The following LARGE1 variants were observed in gnomAD, a reference collection of about 807,000 sequenced individuals.
The protein encoded by LARGE1 is xylosyl- and glucuronyltransferase LARGE1.
In LARGE1, 43 loss-of-function variants were observed where a neutral mutation model predicts 87.6. The observed-to-expected ratio is 0.49, with a 90% confidence interval of 0.38 to 0.63. The LOEUF is 0.63. LARGE1 is among the 30% of genes least tolerant of loss of function. The pLI is 0.00. For missense variants in LARGE1, 802 were observed against 1,000.2 expected, an observed-to-expected ratio of 0.80 and a Z score of 2.67; for synonymous variants, 434 against 394.6, an observed-to-expected ratio of 1.10 and a Z score of -1.18.
At position 33,864,129 on chromosome 22, in the gene LARGE1, A is replaced by T. The variant is rs111791463; in HGVS notation, c.-83+55866T>A. 9.9e-3 allele frequency among the ~76,000 whole-genome samples: 1,509 copies of T among 152,222 alleles called. 7 individuals carry two copies. The highest frequency in any genetic ancestry group is 0.014 in the Non-Finnish European group (927 of 68,002). On this transcript the variant is annotated intron_variant, in intron 1 of 14. Transcript: ENST00000397394. The stretch of plus-strand genomic sequence containing the variant: ...GGCAGGTAGAGTCTTGACCTGACAG[A>T]GACAGGAGGAAGCTGGGAGGCAGGA...
chr22:33,087,964 T>A, the LARGE1 span, among the ~76,000 whole-genome samples: 1 of 152,004 alleles, frequency 6.6e-6, no homozygotes, highest in African/African-American at 2.4e-5. Context: ...AATAAAAATT[T>A]AATTTCTCAG....
At chr22:33,680,789 C>A (rs1272069820) in intron 2 of LARGE1, among the ~76,000 whole-genome samples, 1 of 151,246 alleles carries the variant, frequency 6.6e-6, no homozygotes, top group Non-Finnish European at 1.5e-5. Flanking sequence ...CTCAGAATAC[C>A]CCCTTATCAT....
intron 7 of LARGE1, among the ~76,000 whole-genome samples, chr22:33,394,094 A>G (rs2065633120): frequency 6.7e-6 from 1 of 149,362 alleles, no homozygotes; most frequent in Non-Finnish European, 1.5e-5. Context: ...AAAAAAAAAA[A>G]AAAAGAGAAG....
chr22:33,881,109 G>A (rs1017125113), intron 1 of LARGE1, among the ~76,000 whole-genome samples: 8 of 151,772 alleles, frequency 5.3e-5, no homozygotes, highest in East Asian at 1.9e-4. Context: ...AGGCCAAAAC[G>A]CGACGACATT....
At chr22:33,747,858 G>C (rs1280220337) in intron 2 of LARGE1, 1 of 152,064 alleles carries the variant, frequency 6.6e-6, no homozygotes, top group Non-Finnish European at 1.5e-5. Context: ...GTTATGGGGG[G>C]ATTATTTCAC....
intron 11 of LARGE1, among the ~76,000 whole-genome samples, chr22:33,210,548 T>C (rs1232772045): frequency 6.6e-6 from 1 of 152,234 alleles, no homozygotes. Flanking sequence ...TTAGCCTTCA[T>C]GCTGTTTTGC....
intron 1 of LARGE1, among the ~76,000 whole-genome samples, chr22:33,822,291 C>T (rs2086848921): frequency 6.6e-6 from 1 of 152,158 alleles, no homozygotes; most frequent in African/African-American, 2.4e-5. Context: ...TCTTAGAGGT[C>T]AGATTGTCAC....
At chr22:33,296,632 G>A (rs1366210665) in intron 12 of LARGE1, among the ~76,000 whole-genome samples, 5 of 149,084 alleles carry the variant, frequency 3.4e-5, no homozygotes, top group South Asian at 2.1e-4. Flanking sequence ...GCAATGGCGC[G>A]ATCTCATCTC....
intron 2 of LARGE1, among the ~76,000 whole-genome samples, chr22:33,654,904 A>T (rs1384245464): frequency 6.6e-6 from 1 of 152,200 alleles, no homozygotes; most frequent in African/African-American, 2.4e-5. Context: ...TAACACTCAA[A>T]GGTAAAACAG....
At chr22:33,453,696 G>C (rs1239785675) in intron 6 of LARGE1, among the ~76,000 whole-genome samples, 4 of 152,046 alleles carry the variant, frequency 2.6e-5, no homozygotes, top group African/African-American at 7.2e-5. Flanking sequence ...CTGGCTCCTG[G>C]TTTTTTTACT....
At chr22:33,270,405 C>CTACT (rs1928182053), downstream of LARGE1, among the ~76,000 whole-genome samples, 8 of 152,268 alleles carry the variant, frequency 5.3e-5, no homozygotes, top group South Asian at 1.7e-3. Flanking sequence ...TATGGGAAGG[C>CTACT]AGTAGCACAT....
intron 2 of LARGE1, among the ~76,000 whole-genome samples, chr22:33,736,423 C>T (rs906610995): frequency 2.0e-5 from 3 of 152,140 alleles, no homozygotes; most frequent in East Asian, 1.9e-4. Flanking sequence ...TTTTTGACAA[C>T]CTGTGTATCT....
At chr22:33,814,795 C>T (rs1268775646) in intron 1 of LARGE1, among the ~76,000 whole-genome samples, 1 of 151,782 alleles carries the variant, frequency 6.6e-6, no homozygotes, top group Non-Finnish European at 1.5e-5. Context: ...TCTGGAGAAC[C>T]CTGACTGATA....
At position 33,386,536 on chromosome 22, in the gene LARGE1, G is replaced by A. The variant is rs375871318; in HGVS notation, c.893-2232C>T. ...CATCAGCTCTCTGGGGGAAAAAAAC[G>A]GCCGGATTTGTAGCATTTGCCAATT... On this transcript the variant is annotated intron_variant, in intron 7 of 14. Coordinates refer to ENST00000397394, the MANE Select transcript of LARGE1 (RefSeq NM_133642.5). Among the ~76,000 whole-genome samples, 31 of 148,898 alleles carry A rather than the reference G, an allele frequency of 2.1e-4. 1 individual carries two copies. The highest frequency in any genetic ancestry group is 1.9e-3 in the South Asian group (8 of 4,180).
At chr22:33,858,356 G>A (rs936108310) in intron 1 of LARGE1, among the ~76,000 whole-genome samples, 1 of 152,158 alleles carries the variant, frequency 6.6e-6, no homozygotes, top group South Asian at 2.1e-4. Context: ...GACCAGAAGA[G>A]AGTGCGGTTG....
At chr22:33,434,525 TC>T (rs1448936244) in intron 6 of LARGE1, among the ~76,000 whole-genome samples, 1 of 152,202 alleles carries the variant, frequency 6.6e-6, no homozygotes, top group African/African-American at 2.4e-5. Flanking sequence ...GGTCTCGATC[TC>T]CTGACCTTGT....
chr22:33,861,568 C>T (rs993110969), intron 1 of LARGE1: 27 of 152,276 alleles, frequency 1.8e-4, no homozygotes, highest in African/African-American at 6.5e-4. Context: ...ACAGAATGGC[C>T]ACGCAGACAC....
chr22:33,652,275 C>T (rs978750976), intron 2 of LARGE1, among the ~76,000 whole-genome samples: 4 of 152,082 alleles, frequency 2.6e-5, no homozygotes, highest in Admixed American at 1.3e-4. Flanking sequence ...TGTCAGAATT[C>T]GCACCCAGGT....
intron 11 of LARGE1, among the ~76,000 whole-genome samples, chr22:33,206,408 T>G (rs1412228774): frequency 6.6e-6 from 1 of 152,210 alleles, no homozygotes; most frequent in East Asian, 1.9e-4. Flanking sequence ...CATGACTTTT[T>G]TTTTCCATTT....
Sources: gnomAD v4.1 joint callset for allele counts (sites outside exome capture counted in the v4.1 genomes callset) on GRCh38, gnomAD v4.1.1 for gene constraint, MANE v1.5 for transcripts, NCBI Gene and HGNC (gene_info 2026-07-23, HGNC 2026-07-21) for gene names.